The following PDE6D variants were observed in gnomAD, a reference collection of about 807,000 sequenced individuals.
The protein encoded by PDE6D is retinal rod rhodopsin-sensitive cGMP 3',5'-cyclic phosphodiesterase subunit delta.
In PDE6D, 10 loss-of-function variants were observed where a neutral mutation model predicts 21.9. The observed-to-expected ratio is 0.46, with a 90% CI of 0.28 to 0.78. PDE6D has a LOEUF of 0.78. PDE6D is among the 30% of genes least tolerant of loss of function. The probability of loss-of-function intolerance (pLI) is 0.12; values close to 1 mark genes in which losing one functional copy is unlikely to be tolerated. For synonymous variants in PDE6D, 59 were observed against 63.5 expected (o/e 0.93, Z 0.34); for missense variants, 139 against 184.8 (o/e 0.75, Z 1.44).
In PDE6D at chr2:231,741,967, A is replaced by G. The variant is rs1468929813; in HGVS notation, c.51-2779T>C. 2.6e-5 allele frequency among the ~76,000 whole-genome samples: 4 copies of G among 152,324 alleles called. No individual in the cohort carries two copies. The East Asian group carries it at 5.8e-4, about 22-fold the overall frequency. On this transcript the variant is annotated intron_variant, in intron 1 of 4. Coordinates refer to ENST00000287600, the MANE Select transcript of PDE6D (RefSeq NM_002601.4). ...TGGAAAGTGGATAAATAATGCTAAA[A>G]TGGAAACATTACGACATAGCCACAT... is the stretch of plus-strand genomic sequence containing the variant.
chr2:231,752,031 T>G (rs1323957597), intron 1 of PDE6D, among the ~76,000 whole-genome samples: 1 of 152,258 alleles, frequency 6.6e-6, no homozygotes, highest in Non-Finnish European at 1.5e-5. Context: ...TTTTATTCAA[T>G]CATTTATATC....
chr2:231,737,976 C>G, intron 3 of PDE6D, 37 bp downstream of exon 3: 1 of 1,599,078 alleles, frequency 6.3e-7, no homozygotes, highest in African/African-American at 1.3e-5. Context: ...CCTGGTCGCC[C>G]TAAGCCCTGA....
chr2:231,752,083 A>G (rs1159390176), intron 1 of PDE6D, among the ~76,000 whole-genome samples: 1 of 152,190 alleles, frequency 6.6e-6, no homozygotes, highest in Non-Finnish European at 1.5e-5. Flanking sequence ...TCTGATACCT[A>G]AATTTTTATC....
chr2:231,739,300 T>C lies in PDE6D; in HGVS notation c.51-112A>G, dbSNP rs2048729177. On this transcript the variant is annotated intron_variant, in intron 1 of 4. Coordinates refer to ENST00000287600, the MANE Select transcript of PDE6D (RefSeq NM_002601.4). This position sits in a 1 kb window ranked among gnomAD's most constrained non-coding sequence, Gnocchi z 4.2. ...TCTTGTTTACTTTTTAAAAAGTTTGTCAAACTGCTCATTGCCATGGAAGCA... is the reference window on the plus strand; with the variant it reads ...TCTTGTTTACTTTTTAAAAAGTTTGCCAAACTGCTCATTGCCATGGAAGCA... 1 of 772,330 alleles carries C rather than the reference T, an allele frequency of 1.3e-6. No homozygotes were observed. The highest frequency in any genetic ancestry group is 2.5e-5 in the East Asian group (1 of 40,598). 47.8% of individuals were successfully genotyped at this position (772,330 alleles called of 1,614,324 possible).
intron 3 of PDE6D, 115 bp downstream of exon 3, chr2:231,737,898 C>T (rs1286447330): frequency 5.7e-6 from 6 of 1,050,638 alleles, no homozygotes; most frequent in Non-Finnish European, 8.3e-6. Context: ...AATCCTACCA[C>T]AAACTGAGTT....
At chr2:231,768,026 G>C (rs1395739724) in intron 1 of PDE6D, among the ~76,000 whole-genome samples, 1 of 151,192 alleles carries the variant, frequency 6.6e-6, no homozygotes, top group Non-Finnish European at 1.5e-5. Flanking sequence ...TTGTATTTTT[G>C]GTAGAGGCAG....
At chr2:231,754,312 C>T (rs982254781) in intron 1 of PDE6D, among the ~76,000 whole-genome samples, 3 of 151,804 alleles carry the variant, frequency 2.0e-5, no homozygotes, top group Admixed American at 6.6e-5. Flanking sequence ...CAAATCATCT[C>T]AATAGTCTTC....
intron 1 of PDE6D, among the ~76,000 whole-genome samples, chr2:231,753,417 GGCACGC>G (rs2048858463): frequency 6.6e-6 from 1 of 151,826 alleles, no homozygotes; most frequent in Non-Finnish European, 1.5e-5. Context: ...TGGGCGTGGC[GGCACGC>G]GCCTGTAGTC....
intron 1 of PDE6D, among the ~76,000 whole-genome samples, chr2:231,754,291 T>C (rs1047414360): frequency 6.6e-6 from 1 of 151,522 alleles, no homozygotes; most frequent in Non-Finnish European, 1.5e-5. Context: ...CCCAAGAGAA[T>C]CTCTCTAAAA....
intron 4 of PDE6D, among the ~76,000 whole-genome samples, chr2:231,735,300 CA>C (rs1429307788): frequency 7.4e-6 from 1 of 135,828 alleles, no homozygotes; most frequent in African/African-American, 2.7e-5. Flanking sequence ...AATTCTATTA[CA>C]ATTTTTTTTT....
Position 231,739,307 on chromosome 2 carries a change from G to C in PDE6D, c.51-119C>G. The C allele has an allele frequency of 1.3e-6, 1 of 765,108 alleles. No individual in the cohort carries two copies. The highest frequency in any genetic ancestry group is 2.4e-6 in the Non-Finnish European group (1 of 417,616). 47.4% of individuals were successfully genotyped at this position (765,108 alleles called of 1,614,324 possible). On this transcript the variant is annotated intron_variant, in intron 1 of 4. Coordinates refer to ENST00000287600, the MANE Select transcript of PDE6D (RefSeq NM_002601.4). This position sits in a 1 kb window ranked among gnomAD's most constrained non-coding sequence, Gnocchi z 4.2. ...TACTTTTTAAAAAGTTTGTCAAACT[G>C]CTCATTGCCATGGAAGCACATAAGA...
intron 1 of PDE6D, among the ~76,000 whole-genome samples, chr2:231,777,732 G>A (rs1247632284): frequency 6.6e-6 from 1 of 152,124 alleles, no homozygotes; most frequent in East Asian, 1.9e-4. Flanking sequence ...GACAAGGATG[G>A]CATTTCAAAA....
chr2:231,737,578 C>G (rs905129318), intron 3 of PDE6D: 1 of 365,168 alleles, frequency 2.7e-6, no homozygotes, highest in Non-Finnish European at 5.0e-6. Flanking sequence ...TAGATGTGAA[C>G]TATATATAGA....
intron 1 of PDE6D, among the ~76,000 whole-genome samples, chr2:231,770,019 G>C (rs2049002288): frequency 6.6e-6 from 1 of 152,168 alleles, no homozygotes; most frequent in Non-Finnish European, 1.5e-5. Context: ...TCTGAACAAA[G>C]CCAGGACATG....
intron 4 of PDE6D, among the ~76,000 whole-genome samples, chr2:231,735,883 A>G (rs1231022902): frequency 1.3e-5 from 2 of 151,608 alleles, no homozygotes; most frequent in Admixed American, 6.6e-5. Flanking sequence ...AAAAAAATTA[A>G]CCGGTGTGGT....
intron 1 of PDE6D, among the ~76,000 whole-genome samples, chr2:231,770,966 A>C (rs569349180): frequency 6.0e-5 from 9 of 150,116 alleles, no homozygotes; most frequent in Admixed American, 1.3e-4. Context: ...AAAAAAAAAA[A>C]CCCACAAAAA....
chr2:231,778,328 GAC>G (rs2049073217), intron 1 of PDE6D, among the ~76,000 whole-genome samples: 1 of 151,978 alleles, frequency 6.6e-6, no homozygotes, highest in Non-Finnish European at 1.5e-5. Flanking sequence ...CAAAAAAGGA[GAC>G]AATACATTGA....
chr2:231,757,115 C>T (rs2048888815), intron 1 of PDE6D, among the ~76,000 whole-genome samples: 1 of 151,950 alleles, frequency 6.6e-6, no homozygotes, highest in African/African-American at 2.4e-5. Context: ...TGTGCCACCA[C>T]ACCTGGCTAA....
intron 1 of PDE6D, among the ~76,000 whole-genome samples, chr2:231,765,303 G>A (rs2048961168): frequency 6.6e-6 from 1 of 151,506 alleles, no homozygotes; most frequent in South Asian, 2.1e-4. Flanking sequence ...AAGTGGGAGG[G>A]GGGCAACTTA....
Sources: gnomAD v4.1 joint callset for allele counts (sites outside exome capture counted in the v4.1 genomes callset) on GRCh38, gnomAD v4.1.1 for gene constraint, Gnocchi (gnomAD v3.1) non-coding constraint, MANE v1.5 for transcripts, NCBI Gene and HGNC (gene_info 2026-07-23, HGNC 2026-07-21) for gene names.